Variants in SAMD4A observed in about 807,000 individuals in gnomAD.
The protein encoded by SAMD4A is sterile alpha motif domain containing 4A, also known as protein Smaug homolog 1.
Under a neutral mutation model 81.3 loss-of-function variants are expected in SAMD4A, and 33 were observed. That is an observed-to-expected ratio of 0.41 (90% CI 0.31 to 0.54). The LOEUF (loss-of-function observed/expected upper bound fraction) is 0.54, where lower values mean the gene tolerates loss of function less well. Ranked by LOEUF, SAMD4A falls within the 20% of genes least tolerant of loss-of-function variation. SAMD4A has a pLI of 0.37. For synonymous variants in SAMD4A, 389 were observed against 382.1 expected (o/e 1.02, Z -0.21); for missense variants, 854 against 951.1 (o/e 0.90, Z 1.34).
chr14:54,789,193 C>A lies in SAMD4A; in HGVS notation c.*249C>A. On this transcript the variant is annotated 3_prime_UTR_variant, in exon 13 of 13. Coordinates refer to ENST00000554335, the MANE Select transcript of SAMD4A (RefSeq NM_015589.6). ...TGGTGTGTGGGGTGGGGAGGGGTCT[C>A]TAGGGAATTATGAGACTGGGAGGGG... The A allele has an allele frequency of 2.4e-6, 1 of 414,542 alleles. No homozygotes were observed. Among genetic ancestry groups the A allele is most frequent in the Non-Finnish European group, 4.4e-6 (1 of 226,850 alleles). 25.7% of individuals were successfully genotyped at this position (414,542 alleles called of 1,614,324 possible).
Position 54,577,251 on chromosome 14 carries a change from C to T in SAMD4A, c.196+9139C>T, listed in dbSNP as rs118132762. Among the ~76,000 whole-genome samples, 197 of 152,320 alleles carry T rather than the reference C, an allele frequency of 1.3e-3. 3 individuals carry two copies. In the East Asian group the frequency reaches 0.034, roughly 26 times the overall value. ...GAGTCCCTGTACTTTCAGGTTTGTACGTGTTTCTGCAGGTGTCTCAAAGAC... is the reference window on the plus strand; with the variant it reads ...GAGTCCCTGTACTTTCAGGTTTGTATGTGTTTCTGCAGGTGTCTCAAAGAC... On this transcript the variant is annotated intron_variant, in intron 2 of 12. Coordinates refer to ENST00000554335, the MANE Select transcript of SAMD4A (RefSeq NM_015589.6).
intron 11 of SAMD4A, 66 bp from the exon 12 acceptor site, chr14:54,784,471 G>C (rs748217726): frequency 6.2e-7 from 1 of 1,612,908 alleles, no homozygotes; most frequent in Non-Finnish European, 8.5e-7. Flanking sequence ...TTCTCCTGAA[G>C]GTGGAACCAG....
chr14:54,786,646 G>A (rs979980642), intron 12 of SAMD4A, among the ~76,000 whole-genome samples: 10 of 152,142 alleles, frequency 6.6e-5, no homozygotes, highest in African/African-American at 2.4e-4. Context: ...CAAAGAAAAA[G>A]GAGAACTGAC....
chr14:54,624,655 CA>C (rs1288069400), intron 2 of SAMD4A, among the ~76,000 whole-genome samples: 2 of 152,146 alleles, frequency 1.3e-5, no homozygotes, highest in East Asian at 3.8e-4. Context: ...GAAAACTGAC[CA>C]AATTGGCAAG....
intron 11 of SAMD4A, among the ~76,000 whole-genome samples, chr14:54,777,397 G>A (rs892088983): frequency 6.6e-6 from 1 of 152,196 alleles, no homozygotes; most frequent in African/African-American, 2.4e-5. Flanking sequence ...AGCAGAGGGT[G>A]GAGAGAGGGA....
intron 12 of SAMD4A, among the ~76,000 whole-genome samples, chr14:54,788,553 C>T (rs890683101): frequency 3.3e-5 from 5 of 152,218 alleles, no homozygotes; most frequent in African/African-American, 1.2e-4. Flanking sequence ...CCCAGGCCAA[C>T]CGGGCAGCCA....
intron 2 of SAMD4A, among the ~76,000 whole-genome samples, chr14:54,616,388 T>C (rs549268280): frequency 6.6e-6 from 1 of 152,352 alleles, no homozygotes; most frequent in Non-Finnish European, 1.5e-5. Context: ...GATCACATAC[T>C]AATACACTAC....
At chr14:54,742,837 T>C (rs945579409) in intron 4 of SAMD4A, among the ~76,000 whole-genome samples, 4 of 152,246 alleles carry the variant, frequency 2.6e-5, no homozygotes, top group South Asian at 2.1e-4. Context: ...GATGGAAATA[T>C]AGCAATTAAG....
chr14:54,753,359 A>G (rs1227578205), intron 6 of SAMD4A, among the ~76,000 whole-genome samples: 2 of 150,710 alleles, frequency 1.3e-5, no homozygotes, highest in African/African-American at 2.4e-5. Context: ...TACCAAGTAT[A>G]CTGCTTGTAA....
chr14:54,616,119 A>C (rs2034485115), intron 2 of SAMD4A, among the ~76,000 whole-genome samples: 1 of 152,246 alleles, frequency 6.6e-6, no homozygotes, highest in Non-Finnish European at 1.5e-5. Context: ...TCCTCTATTT[A>C]AGTTTCATCT....
chr14:54,746,314 G>A (rs1364926874), intron 4 of SAMD4A, among the ~76,000 whole-genome samples: 1 of 152,214 alleles, frequency 6.6e-6, no homozygotes, highest in Admixed American at 6.5e-5. Context: ...TCTAAAAACA[G>A]TGTCCGTGCG....
chr14:54,704,653 A>G (rs565006793), intron 3 of SAMD4A, among the ~76,000 whole-genome samples: 58 of 152,284 alleles, frequency 3.8e-4, no homozygotes, highest in African/African-American at 1.3e-3. Flanking sequence ...TGGAGGCTTA[A>G]CCAGATGACT....
At chr14:54,636,904 T>C (rs1032358657) in intron 2 of SAMD4A, among the ~76,000 whole-genome samples, 2 of 152,126 alleles carry the variant, frequency 1.3e-5, no homozygotes, top group African/African-American at 4.8e-5. Context: ...GGCGGTTGGA[T>C]ATATAAGTCT....
At chr14:54,771,466 G>C (rs917830597) in intron 9 of SAMD4A, among the ~76,000 whole-genome samples, 11 of 152,178 alleles carry the variant, frequency 7.2e-5, no homozygotes, top group Admixed American at 3.3e-4. Context: ...GTCTCAGGAT[G>C]ATGAGCAGAA....
chr14:54,726,278 G>A (rs1016872240), intron 3 of SAMD4A, among the ~76,000 whole-genome samples: 3 of 152,052 alleles, frequency 2.0e-5, no homozygotes, highest in Non-Finnish European at 4.4e-5. Context: ...TATTGCCCAG[G>A]AGTCAAAATA....
chr14:54,781,752 TG>T (rs2039004511), intron 11 of SAMD4A, among the ~76,000 whole-genome samples: 1 of 152,238 alleles, frequency 6.6e-6, no homozygotes, highest in African/African-American at 2.4e-5. Flanking sequence ...TATGTTGGTC[TG>T]TGGGGCAAGA....
chr14:54,758,546 T>A (rs949548004), intron 6 of SAMD4A, among the ~76,000 whole-genome samples: 1 of 152,210 alleles, frequency 6.6e-6, no homozygotes, highest in Non-Finnish European at 1.5e-5. Flanking sequence ...TTAAATACTT[T>A]GGGCTGGGTG....
intron 7 of SAMD4A, among the ~76,000 whole-genome samples, chr14:54,761,108 TG>T (rs763269708): frequency 5.8e-4 from 88 of 152,372 alleles, no homozygotes; most frequent in Non-Finnish European, 9.3e-4. Flanking sequence ...CCATGTGAAA[TG>T]CTCTAGTACG....
intron 2 of SAMD4A, among the ~76,000 whole-genome samples, chr14:54,662,674 C>T (rs1176941707): frequency 6.6e-6 from 1 of 152,086 alleles, no homozygotes; most frequent in Non-Finnish European, 1.5e-5. Context: ...CTCCGCCTCC[C>T]AAAGTGCTGG....
Sources: allele counts gnomAD v4.1 joint callset (sites outside exome capture counted in the v4.1 genomes callset), GRCh38; gene constraint gnomAD v4.1.1; transcripts MANE v1.5; gene names NCBI Gene and HGNC (gene_info 2026-07-23, HGNC 2026-07-21).